Variants in PRKN observed in about 807,000 individuals in gnomAD.
The protein encoded by PRKN is E3 ubiquitin-protein ligase parkin.
In PRKN, 56 loss-of-function variants were observed where a neutral mutation model predicts 59.5. That is an observed-to-expected ratio of 0.94 (90% CI 0.76 to 1.18). The LOEUF (loss-of-function observed/expected upper bound fraction) is 1.18. PRKN is among the 50% of genes most tolerant of loss of function. PRKN has a pLI of 0.00. For synonymous variants in PRKN, 250 were observed against 222.1 expected (o/e 1.13, Z -1.12); for missense variants, 657 against 596.4 (o/e 1.10, Z -1.06).
At chr6:161,616,517 C>T (rs549448646) in intron 7 of PRKN, among the ~76,000 whole-genome samples, 7 of 152,102 alleles carry the variant, frequency 4.6e-5, no homozygotes, top group African/African-American at 1.7e-4. Flanking sequence ...ACCCATCAAC[C>T]CGTCACCTAC....
intron 6 of PRKN, among the ~76,000 whole-genome samples, chr6:161,873,780 C>T (rs1583278663): frequency 1.3e-5 from 2 of 150,240 alleles, no homozygotes; most frequent in Admixed American, 1.4e-4. Flanking sequence ...GCCATAGTCA[C>T]TTTCCTCTAA....
At chr6:161,737,140 A>T (rs540738110) in intron 7 of PRKN, among the ~76,000 whole-genome samples, 4 of 152,320 alleles carry the variant, frequency 2.6e-5, no homozygotes, top group East Asian at 3.9e-4. Context: ...ATGGGAGACA[A>T]AGGCCCGAGT....
At chr6:162,086,993 C>A (rs745844386) in intron 4 of PRKN, among the ~76,000 whole-genome samples, 3 of 152,130 alleles carry the variant, frequency 2.0e-5, no homozygotes, top group Non-Finnish European at 4.4e-5. Context: ...GAAATATGAA[C>A]TTTAGAAAGC....
rs367798812 is a variant in PRKN, at chr6:162,086,426, T to G, written c.535-32252A>C. ...CACAAGCACATTGTAAGGTAACACC[T>G]TTTTCACCAATGGAGAGAAAAGAGA... On this transcript the variant is annotated intron_variant, in intron 4 of 11. Transcript: ENST00000366898. Among the ~76,000 whole-genome samples, 16 of 152,258 alleles carry G rather than the reference T, an allele frequency of 1.1e-4. 1 individual carries two copies. The highest frequency in any genetic ancestry group is 3.9e-4 in the African/African-American group (16 of 41,558).
At chr6:161,848,376 A>G (rs1320994264) in intron 6 of PRKN, among the ~76,000 whole-genome samples, 3 of 152,206 alleles carry the variant, frequency 2.0e-5, no homozygotes, top group African/African-American at 7.2e-5. Flanking sequence ...CTCTACCTTC[A>G]TGTATTATCA....
rs192122530 is a variant in PRKN, at chr6:162,661,129, C to T, written c.7+66533G>A. On this transcript the variant is annotated intron_variant, in intron 1 of 11. Coordinates refer to ENST00000366898, the MANE Select transcript of PRKN (RefSeq NM_004562.3). ...ATACAAAATTAGCCAGGAGTGGTGG[C>T]GCATGCCTGTAGTCCCAGCTACTCA... Among the ~76,000 whole-genome samples, 429 of 152,068 alleles carry T rather than the reference C, an allele frequency of 2.8e-3. 1 individual carries two copies. Among genetic ancestry groups the T allele is most frequent in the Admixed American group, 6.4e-3 (97 of 15,266 alleles).
intron 6 of PRKN, among the ~76,000 whole-genome samples, chr6:161,943,950 G>T (rs1187025976): frequency 1.9e-5 from 1 of 53,460 alleles, no homozygotes; most frequent in African/African-American, 8.0e-5. Context: ...GCAGCCTGAG[G>T]GATCAGCCTT....
chr6:161,899,502 G>C (rs1029912526), intron 6 of PRKN, among the ~76,000 whole-genome samples: 1 of 152,164 alleles, frequency 6.6e-6, no homozygotes, highest in South Asian at 2.1e-4. Context: ...CACAGGTGAA[G>C]GGTGTTCATC....
Position 162,523,693 on chromosome 6 carries a change from T to G in PRKN, c.8-80220A>C, listed in dbSNP as rs1778161470. Among the ~76,000 whole-genome samples, 3 of 151,816 alleles carry G rather than the reference T, an allele frequency of 2.0e-5. No individual in the cohort carries two copies. In the South Asian group the frequency reaches 6.2e-4, roughly 31 times the overall value. On this transcript the variant is annotated intron_variant, in intron 1 of 11. Transcript: ENST00000366898. ...AAAAAAGAAAAAATCCATTGGTTATTACAACAGATTTGTTTATGGGGTCAA... is the reference window on the plus strand; with the variant it reads ...AAAAAAGAAAAAATCCATTGGTTATGACAACAGATTTGTTTATGGGGTCAA...
intron 4 of PRKN, among the ~76,000 whole-genome samples, chr6:162,140,635 G>A (rs1781736984): frequency 1.3e-5 from 2 of 152,150 alleles, no homozygotes; most frequent in Non-Finnish European, 2.9e-5. Context: ...CTGGAGGAAA[G>A]ACAATTGCCA....
chr6:162,526,574 C>T (rs1057352431), intron 1 of PRKN, among the ~76,000 whole-genome samples: 3 of 151,000 alleles, frequency 2.0e-5, no homozygotes, highest in Middle Eastern at 6.9e-3. Context: ...CATTTGAACC[C>T]GGGAGGCGGA....
intron 6 of PRKN, among the ~76,000 whole-genome samples, chr6:161,816,727 C>CAAA (rs36108714): frequency 7.1e-6 from 1 of 141,478 alleles, no homozygotes; most frequent in Non-Finnish European, 1.5e-5. Flanking sequence ...GACTCCATCT[C>CAAA]AAAAAAAAAA....
At chr6:162,632,911 G>T (rs1583947070) in intron 1 of PRKN, among the ~76,000 whole-genome samples, 2 of 151,958 alleles carry the variant, frequency 1.3e-5, no homozygotes, top group East Asian at 3.9e-4. Flanking sequence ...TTTCCTGCTG[G>T]AAAACATAAG....
At chr6:162,547,393 CA>C (rs1779164109) in intron 1 of PRKN, among the ~76,000 whole-genome samples, 5 of 152,060 alleles carry the variant, frequency 3.3e-5, no homozygotes, top group Non-Finnish European at 7.4e-5. Flanking sequence ...TTGAAAATAA[CA>C]ATATTTTACA....
intron 4 of PRKN, among the ~76,000 whole-genome samples, chr6:162,109,975 C>T (rs1458297278): frequency 1.3e-5 from 2 of 152,154 alleles, no homozygotes; most frequent in Non-Finnish European, 2.9e-5. Context: ...ATTTAGTAAA[C>T]ACTGTCTAGA....
In PRKN at chr6:161,757,953, A is replaced by G. The variant is rs558399341; in HGVS notation, c.871+27819T>C. On this transcript the variant is annotated intron_variant, in intron 7 of 11. Coordinates refer to ENST00000366898, the MANE Select transcript of PRKN (RefSeq NM_004562.3). ...TCTCTGTATATATATGTATATATAT[A>G]TACAGTTAAATATATATATATATAT... is the stretch of plus-strand genomic sequence containing the variant. Among the ~76,000 whole-genome samples, 4 of 130,414 alleles carry G rather than the reference A, an allele frequency of 3.1e-5. No homozygotes were observed. In the South Asian group the frequency reaches 1.2e-3, roughly 39 times the overall value. 85.6% of individuals were successfully genotyped at this position (130,414 alleles called of 152,430 possible).
chr6:162,650,191 C>A (rs1249996153), intron 1 of PRKN, among the ~76,000 whole-genome samples: 4 of 152,174 alleles, frequency 2.6e-5, no homozygotes, highest in Non-Finnish European at 5.9e-5. Flanking sequence ...TCCTTCTGCC[C>A]TGCTGGAAAC....
intron 6 of PRKN, among the ~76,000 whole-genome samples, chr6:161,821,785 G>C (rs1792043716): frequency 8.6e-6 from 1 of 115,608 alleles, no homozygotes; most frequent in Admixed American, 1.2e-4. Context: ...GTCTCATTCT[G>C]TCACCCAGGC....
At chr6:161,623,810 G>A (rs1215634639) in intron 7 of PRKN, among the ~76,000 whole-genome samples, 1 of 152,138 alleles carries the variant, frequency 6.6e-6, no homozygotes, top group Non-Finnish European at 1.5e-5. Context: ...ACATGGCTTT[G>A]GCTAAGAAAG....
Sources: gnomAD v4.1 joint callset for allele counts (sites outside exome capture counted in the v4.1 genomes callset) on GRCh38, gnomAD v4.1.1 for gene constraint, MANE v1.5 for transcripts, NCBI Gene and HGNC (gene_info 2026-07-23, HGNC 2026-07-21) for gene names.